USH1C: variants seen among roughly 807,000 people sequenced by gnomAD.
USH1C encodes USH1 protein network component harmonin.
A neutral mutation model predicts 119.3 loss-of-function variants in USH1C; 90 were observed. The observed-to-expected ratio is 0.75, with a 90% CI of 0.64 to 0.90. The LOEUF (loss-of-function observed/expected upper bound fraction) is 0.90. Ranked by LOEUF, USH1C falls within the 40% of genes least tolerant of loss-of-function variation. The pLI, the probability that USH1C is intolerant of heterozygous loss-of-function variation, is 0.00. For synonymous variants in USH1C, 465 were observed against 443.3 expected (o/e 1.05, Z -0.62); for missense variants, 1,165 against 1,167.7 (o/e 1.00, Z 0.03).
rs2041027 is a variant in USH1C, at chr11:17,531,558, G to A, written c.105-16C>T. The A allele has an allele frequency of 0.41, 666,302 of 1,611,078 alleles. 138,990 individuals are homozygous for A. The highest frequency in any genetic ancestry group is 0.52 in the East Asian group (23,318 of 44,834). On this transcript the variant is annotated splice_polypyrimidine_tract_variant and intron_variant, in intron 2 of 26. Transcript: ENST00000005226. The surrounding 1 kb of genome is among the most constrained non-coding windows in gnomAD (Gnocchi z 4.2). ...GTCCATGGTCCTGTGGAGATGCCGG[G>A]AATGCCTGGAGCCTCACCCCTGGCC...
intron 21 of USH1C, 25 bp from the exon 22 acceptor site, chr11:17,501,560 G>GCTGT (rs775252771): frequency 6.5e-5 from 105 of 1,606,156 alleles, no homozygotes; most frequent in Non-Finnish European, 7.2e-5. Context: ...ACAGTGGGAA[G>GCTGT]CTTTGAGCTG....
chr11:17,499,687 T>C (rs1849365977), intron 23 of USH1C, among the ~76,000 whole-genome samples: 1 of 152,184 alleles, frequency 6.6e-6, no homozygotes, highest in Admixed American at 6.5e-5. Flanking sequence ...CTTCTATGGC[T>C]GAAATGAAAG....
intron 1 of USH1C, among the ~76,000 whole-genome samples, chr11:17,540,932 GCCCCTACCA>G (rs1424510106): frequency 6.6e-6 from 1 of 152,018 alleles, no homozygotes; most frequent in East Asian, 1.9e-4. Context: ...GGCCTACCAG[GCCCCTACCA>G]CCCCTCCGAC....
intron 10 of USH1C, 52 bp from the exon 11 acceptor site, chr11:17,523,319 A>G (rs1850505298): frequency 6.2e-7 from 1 of 1,613,974 alleles, no homozygotes. Flanking sequence ...ACAGCAGTCC[A>G]GGCAGAGAGC....
intron 20 of USH1C, among the ~76,000 whole-genome samples, chr11:17,502,880 C>A (rs1021724061): frequency 1.3e-5 from 2 of 152,154 alleles, no homozygotes; most frequent in Non-Finnish European, 2.9e-5. Flanking sequence ...AAGGTGGGAG[C>A]AGAGGAGAGC....
chr11:17,502,283 G>A (rs753874304), intron 20 of USH1C, among the ~76,000 whole-genome samples: 3 of 152,246 alleles, frequency 2.0e-5, no homozygotes, highest in African/African-American at 4.8e-5. Context: ...CTGGAGAGGC[G>A]GCATCTGCCT....
At position 17,522,937 on chromosome 11, in the gene USH1C, A is replaced by G; in HGVS notation, c.877-11T>C. On this transcript the variant is annotated splice_polypyrimidine_tract_variant and intron_variant, in intron 11 of 26. Coordinates refer to ENST00000005226, the MANE Select transcript of USH1C (RefSeq NM_153676.4). ...GAACAGCTCCCGGCCCTCATGGGAG[A>G]AAAGAGGCCCCTTGCTCAGCCCCCG... The G allele has an allele frequency of 1.2e-6, 2 of 1,609,188 alleles. No homozygotes were observed. The highest frequency in any genetic ancestry group is 1.7e-6 in the Non-Finnish European group (2 of 1,178,056).
chr11:17,503,912 C>A (rs1483496301), intron 20 of USH1C, among the ~76,000 whole-genome samples: 3 of 152,226 alleles, frequency 2.0e-5, no homozygotes, highest in Non-Finnish European at 4.4e-5. Context: ...GTTGATACTG[C>A]CCCTCTGCTC....
rs536056787 is a variant in USH1C, at chr11:17,501,217, G to T, written c.2281-67C>A. On this transcript the variant is annotated intron_variant, in intron 22 of 26. Transcript: ENST00000005226. ...CAGCCTGTGGACACCTGGGCACCAA[G>T]GAGTCTCTTGACAGAGCCACAGTAA... 29 of 1,332,310 alleles carry T rather than the reference G, an allele frequency of 2.2e-5. 1 individual carries two copies. In the South Asian group the frequency reaches 3.3e-4, roughly 15 times the overall value. 82.5% of individuals were successfully genotyped at this position (1,332,310 alleles called of 1,614,324 possible). A position where few individuals can be genotyped will look rare whatever the true frequency, so the allele number is the denominator to read the frequency against.
Position 17,509,368 on chromosome 11 carries a change from TG to T in USH1C, c.2000del (p.Pro667HisfsTer40). Reference sequence around the variant, plus strand: ...ACAGGGACATTACCTTTGGGGTGGGTGGGAAGCTCTGTTCAGGGACAGGGGA... The same window carrying T: ...ACAGGGACATTACCTTTGGGGTGGGTGGAAGCTCTGTTCAGGGACAGGGGA... ...TNSPVPEQSF[P>X]PTPKTFCPSP... On this transcript the variant is annotated frameshift_variant, in exon 18 of 27. Coordinates refer to ENST00000005226, the MANE Select transcript of USH1C (RefSeq NM_153676.4). LOFTEE classifies it high-confidence loss of function. 1 of 1,575,524 alleles carries T rather than the reference TG, an allele frequency of 6.3e-7. No individual in the cohort carries two copies. Among genetic ancestry groups the T allele is most frequent in the African/African-American group, 1.3e-5 (1 of 74,092 alleles).
chr11:17,506,079 C>G (rs959331569), intron 18 of USH1C, 130 bp from the exon 19 acceptor site: 2 of 1,355,928 alleles, frequency 1.5e-6, no homozygotes, highest in Non-Finnish European at 2.1e-6. Context: ...TTCAACTGCT[C>G]GAGGTCCTGG....
Position 17,526,456 on chromosome 11 carries a change from G to A in USH1C, c.580-15C>T, listed in dbSNP as rs759315957. The A allele has an allele frequency of 6.2e-7, 1 of 1,612,032 alleles. No homozygotes were observed. Among genetic ancestry groups the A allele is most frequent in the South Asian group, 1.1e-5 (1 of 90,960 alleles). On this transcript the variant is annotated splice_polypyrimidine_tract_variant and intron_variant, in intron 7 of 26. Coordinates refer to ENST00000005226, the MANE Select transcript of USH1C (RefSeq NM_153676.4). ...CCTCGCACGCCCTGAAAGAGAGATAGAAGCAGAATCACGGAGTGTCCACAT... is the reference window on the plus strand; with the variant it reads ...CCTCGCACGCCCTGAAAGAGAGATAAAAGCAGAATCACGGAGTGTCCACAT...
At chr11:17,542,884 C>A (rs187937989) in intron 1 of USH1C, among the ~76,000 whole-genome samples, 2 of 152,242 alleles carry the variant, frequency 1.3e-5, no homozygotes, top group Admixed American at 1.3e-4. Context: ...TATTCGCCAG[C>A]CCCTAAATTC....
intron 8 of USH1C, 118 bp from the exon 9 acceptor site, chr11:17,524,653 T>G: frequency 8.9e-7 from 1 of 1,127,398 alleles, no homozygotes; most frequent in Non-Finnish European, 1.3e-6. Context: ...CTTCAGCCTC[T>G]GTGTCCCTCT....
chr11:17,521,334 C>T lies in USH1C; in HGVS notation c.1085+12G>A, dbSNP rs532357891. On this transcript the variant is annotated intron_variant, in intron 13 of 26. Transcript: ENST00000005226. ...GTTCATGCACAGACACGCGTGGAGCCGAGGTACTCACTGTTCCATCTCCTT... is the reference window on the plus strand; with the variant it reads ...GTTCATGCACAGACACGCGTGGAGCTGAGGTACTCACTGTTCCATCTCCTT... 3.5e-5 allele frequency: 56 copies of T among 1,613,990 alleles called. No homozygotes were observed. The highest frequency in any genetic ancestry group is 1.6e-4 in the Middle Eastern group (1 of 6,062).
chr11:17,501,942 A>T lies in USH1C; in HGVS notation c.2223T>A (p.Ser741=). 6.2e-7 allele frequency: 1 copy of T among 1,613,608 alleles called. No individual in the cohort carries two copies. The highest frequency in any genetic ancestry group is 8.5e-7 in the Non-Finnish European group (1 of 1,179,820). Reference sequence around the variant, plus strand: ...GGAGAGAAGCGTCATCTCTTACCATAGAGTAGGGGTCAAAGCCTTCCTCAT... The same window carrying T: ...GGAGAGAAGCGTCATCTCTTACCATTGAGTAGGGGTCAAAGCCTTCCTCAT... ...RKYEEGFDPY[S]MFTPEQIMGK... The change falls in exon 21 of 27, where the codon TCT becomes TCA. Residue 741 remains serine, a synonymous_variant. Coordinates refer to ENST00000005226, the MANE Select transcript of USH1C (RefSeq NM_153676.4).
At chr11:17,524,040 C>T (rs905916990) in intron 9 of USH1C, among the ~76,000 whole-genome samples, 3 of 152,200 alleles carry the variant, frequency 2.0e-5, no homozygotes, top group African/African-American at 7.2e-5. Context: ...TGAATCCCAG[C>T]CCTACCATAT....
rs746011575 is a variant in USH1C, at chr11:17,501,058, C to T, written c.2373G>A (p.Glu791=). The T allele has an allele frequency of 3.9e-5, 63 of 1,613,572 alleles. 1 individual carries two copies. In the East Asian group the frequency reaches 1.1e-3, roughly 29 times the overall value. ...TGGCTAGTCTCCACTCACCATGCCG[C>T]TCAGCAGCTCCCCGCTCATACACAG... ...VSAVYERGAA[E]RHGGIVKGDE... is the part of the protein sequence containing the mutation. Residue 791 remains glutamate (E), a synonymous_variant, in exon 23 of 27, where the codon GAG becomes GAA. Transcript: ENST00000005226.
At chr11:17,496,640 C>T in intron 25 of USH1C, 118 bp downstream of exon 25, 1 of 1,259,796 alleles carries the variant, frequency 7.9e-7, no homozygotes, top group Non-Finnish European at 1.1e-6. Context: ...CTATGAGAAG[C>T]TGCGTGCTTG....
Sources: allele counts gnomAD v4.1 joint callset (sites outside exome capture counted in the v4.1 genomes callset), GRCh38; gene constraint gnomAD v4.1.1; non-coding constraint Gnocchi (gnomAD v3.1); transcripts MANE v1.5; gene names NCBI Gene and HGNC (gene_info 2026-07-23, HGNC 2026-07-21).